The following RAB11FIP4 variants were observed in gnomAD, a reference collection of about 807,000 sequenced individuals.
RAB11FIP4 encodes rab11 family-interacting protein 4.
A neutral mutation model predicts 74.3 loss-of-function variants in RAB11FIP4; 23 were observed. That is an observed-to-expected ratio of 0.31 (90% CI 0.22 to 0.44). The LOEUF (loss-of-function observed/expected upper bound fraction) is 0.44. RAB11FIP4 is among the 20% of genes least tolerant of loss of function. The pLI, the probability that RAB11FIP4 is intolerant of heterozygous loss-of-function variation, is 1.00. For synonymous variants in RAB11FIP4, 360 were observed against 359.9 expected (o/e 1.00, Z 0.00); for missense variants, 630 against 863.9 (o/e 0.73, Z 3.39).
At chr17:31,403,554 C>T (rs2071015543) in intron 1 of RAB11FIP4, among the ~76,000 whole-genome samples, 1 of 152,112 alleles carries the variant, frequency 6.6e-6, no homozygotes. Flanking sequence ...GATCTCCTGA[C>T]CTTGTGATCC....
chr17:31,505,976 C>T (rs1179266144), intron 3 of RAB11FIP4, among the ~76,000 whole-genome samples: 2 of 150,938 alleles, frequency 1.3e-5, no homozygotes, highest in African/African-American at 4.9e-5. Context: ...GCTGGCATTA[C>T]AGGTGTGAGC....
chr17:31,406,436 T>G (rs1326964196), intron 1 of RAB11FIP4, among the ~76,000 whole-genome samples: 1 of 152,206 alleles, frequency 6.6e-6, no homozygotes, highest in Non-Finnish European at 1.5e-5. Context: ...TCTGGTCACC[T>G]TTTCTAAAAA....
intron 13 of RAB11FIP4, among the ~76,000 whole-genome samples, chr17:31,529,308 G>A (rs9904738): frequency 0.037 from 5,557 of 152,198 alleles, 321 homozygotes; most frequent in African/African-American, 0.13. Context: ...GTGTTGCCCA[G>A]GGTGGAGGGC....
Position 31,505,497 on chromosome 17 carries a change from TATTATATTATATATAATA to T in RAB11FIP4, c.337-12146_337-12129del, listed in dbSNP as rs1256639933. ...ATAATTATAATATATAATATATAAT[TATTATATTATATATAATA>T]ATTATATATTATATATAATTATTAT... On this transcript the variant is annotated intron_variant, in intron 3 of 14. Coordinates refer to ENST00000621161, the MANE Select transcript of RAB11FIP4 (RefSeq NM_032932.6). Among the ~76,000 whole-genome samples, 28 of 83,440 alleles carry T rather than the reference TATTATATTATATATAATA, an allele frequency of 3.4e-4. 1 individual carries two copies. Among genetic ancestry groups the T allele is most frequent in the African/African-American group, 1.5e-3 (27 of 18,440 alleles). 54.7% of individuals were successfully genotyped at this position (83,440 alleles called of 152,430 possible).
chr17:31,517,711 T>C lies in RAB11FIP4; in HGVS notation c.397T>C (p.Phe133Leu), dbSNP rs199520897. The C allele has an allele frequency of 1.2e-6, 2 of 1,605,744 alleles. No individual in the cohort carries two copies. Among genetic ancestry groups the C allele is most frequent in the East Asian group, 2.2e-5 (1 of 44,692 alleles). Residue 133 changes from phenylalanine to leucine, a missense_variant, in exon 4 of 15, where the codon TTT (phenylalanine) becomes CTT (leucine). Transcript: ENST00000621161. The part of the protein sequence containing the change: ...DGELIPREPG[F>L]FPEDEEEAMT... ...CGAGCTCATCCCCAGGGAACCCGGC[T>C]TTTTTCCCGAGGACGAGGAGGAGGC...
At chr17:31,413,342 C>G (rs761671127) in intron 1 of RAB11FIP4, among the ~76,000 whole-genome samples, 1 of 152,132 alleles carries the variant, frequency 6.6e-6, no homozygotes, top group Non-Finnish European at 1.5e-5. Flanking sequence ...AAGCCCACAG[C>G]GAGCAGCGCC....
intron 3 of RAB11FIP4, among the ~76,000 whole-genome samples, chr17:31,481,720 G>A (rs1373127372): frequency 2.0e-5 from 3 of 152,130 alleles, no homozygotes; most frequent in African/African-American, 7.2e-5. Context: ...GAGTCAGGGG[G>A]CTTGTTTGTT....
chr17:31,395,756 C>T lies in RAB11FIP4; in HGVS notation c.159+3745C>T, dbSNP rs117264857. Among the ~76,000 whole-genome samples, 22 of 152,260 alleles carry T rather than the reference C, an allele frequency of 1.4e-4. No homozygotes were observed. The East Asian group carries it at 4.2e-3, about 29-fold the overall frequency. ...GGTGTCCTGGATGGGACCCTAGAAT[C>T]AAGAAGAGGACATTAGGTAAAAACT... On this transcript the variant is annotated intron_variant, in intron 1 of 14. Coordinates refer to ENST00000621161, the MANE Select transcript of RAB11FIP4 (RefSeq NM_032932.6).
At chr17:31,514,167 C>T (rs939369630) in intron 3 of RAB11FIP4, among the ~76,000 whole-genome samples, 4 of 152,248 alleles carry the variant, frequency 2.6e-5, no homozygotes, top group African/African-American at 9.6e-5. Flanking sequence ...CCATTTGAGG[C>T]TGCTCTCTCC....
rs535062597 is a variant in RAB11FIP4, at chr17:31,447,865, G to T, written c.336+13743G>T. Among the ~76,000 whole-genome samples, 4 of 151,686 alleles carry T rather than the reference G, an allele frequency of 2.6e-5. No individual in the cohort carries two copies. The East Asian group carries it at 7.8e-4, about 29-fold the overall frequency. On this transcript the variant is annotated intron_variant, in intron 3 of 14. Coordinates refer to ENST00000621161, the MANE Select transcript of RAB11FIP4 (RefSeq NM_032932.6). The stretch of plus-strand genomic sequence containing the variant: ...AGACAGGATCTCACTCTAGCACCCG[G>T]GTTGGAGTGCAGTGGCGCGATCTCA...
rs1319579703 is a variant in RAB11FIP4, at chr17:31,505,532, AATT to A, written c.337-12113_337-12111del. 4.0e-4 allele frequency among the ~76,000 whole-genome samples: 35 copies of A among 87,640 alleles called. No homozygotes were observed. In the South Asian group the frequency reaches 4.0e-3, roughly 10 times the overall value. 57.5% of individuals were successfully genotyped at this position (87,640 alleles called of 152,430 possible). A position where few individuals can be genotyped will look rare whatever the true frequency, so the allele number is the denominator to read the frequency against. On this transcript the variant is annotated intron_variant, in intron 3 of 14. Coordinates refer to ENST00000621161, the MANE Select transcript of RAB11FIP4 (RefSeq NM_032932.6). The stretch of plus-strand genomic sequence containing the variant: ...TATATAATAATTATATATTATATAT[AATT>A]ATTATATATTATATATAATAATAAT...
rs2072879491 is a variant in RAB11FIP4 at position 31,531,955 on chromosome 17, T to C, written c.*223T>C. On this transcript the variant is annotated 3_prime_UTR_variant, in exon 15 of 15. Transcript: ENST00000621161. Reference sequence around the variant, plus strand: ...CCACACGGTTAGCCGTGCATGCACTTTGTGGCCCCTTTGCAAGGGGCAGAG... The same window carrying C: ...CCACACGGTTAGCCGTGCATGCACTCTGTGGCCCCTTTGCAAGGGGCAGAG... The C allele has an allele frequency of 2.0e-6, 1 of 503,212 alleles. No homozygotes were observed. The allele number at this position is 503,212 out of a possible 1,614,324, so 31.2% of individuals were successfully genotyped here.
intron 1 of RAB11FIP4, among the ~76,000 whole-genome samples, chr17:31,430,352 A>AT (rs56078412): frequency 0.046 from 5,159 of 111,678 alleles, 479 homozygotes; most frequent in African/African-American, 0.17. Flanking sequence ...TGGAGTTTGG[A>AT]TTTTTTTTTT....
chr17:31,431,884 G>C lies in RAB11FIP4; in HGVS notation c.231G>C (p.Gly77=). The change falls in exon 2 of 15, where the codon GGG becomes GGC. Residue 77 remains glycine (G), a synonymous_variant. Coordinates refer to ENST00000621161, the MANE Select transcript of RAB11FIP4 (RefSeq NM_032932.6). The stretch of plus-strand genomic sequence containing the variant: ...TCAACTTCAAGGACTTTTGCCGGGG[G>C]GTGTTCGCCATGAAAGGTGAGGTCT... ...GRINFKDFCR[G]VFAMKGCEEL... is the part of the protein sequence containing the mutation. The C allele has an allele frequency of 6.2e-7, 1 of 1,612,854 alleles. No individual in the cohort carries two copies. The highest frequency in any genetic ancestry group is 8.5e-7 in the Non-Finnish European group (1 of 1,179,260).
intron 3 of RAB11FIP4, among the ~76,000 whole-genome samples, chr17:31,451,430 G>A (rs1401186541): frequency 7.4e-6 from 1 of 135,220 alleles, no homozygotes; most frequent in Non-Finnish European, 1.5e-5. Context: ...CTACACTCCA[G>A]CCTGGGCAAC....
intron 3 of RAB11FIP4, among the ~76,000 whole-genome samples, chr17:31,513,526 CT>C (rs1253904547): frequency 6.6e-6 from 1 of 152,168 alleles, no homozygotes; most frequent in Non-Finnish European, 1.5e-5. Flanking sequence ...GGGCTGGGGA[CT>C]TTGGCCCTCA....
intron 9 of RAB11FIP4, 131 bp from the exon 10 acceptor site, chr17:31,524,959 T>C (rs1355093332): frequency 1.9e-6 from 2 of 1,056,592 alleles, no homozygotes; most frequent in Non-Finnish European, 2.8e-6. Context: ...CTCTGAAAGC[T>C]ACTGGCCCAC....
intron 1 of RAB11FIP4, among the ~76,000 whole-genome samples, chr17:31,400,562 G>A (rs1439527238): frequency 6.6e-6 from 1 of 152,212 alleles, no homozygotes; most frequent in Non-Finnish European, 1.5e-5. Flanking sequence ...AGGGGCCGGG[G>A]AGAGGCAGGG....
chr17:31,499,737 A>T (rs2072183223), intron 3 of RAB11FIP4, among the ~76,000 whole-genome samples: 1 of 152,146 alleles, frequency 6.6e-6, no homozygotes, highest in African/African-American at 2.4e-5. Context: ...CAGACTGGCC[A>T]CATGGTAGGC....
Sources: gnomAD v4.1 joint callset for allele counts (sites outside exome capture counted in the v4.1 genomes callset) on GRCh38, gnomAD v4.1.1 for gene constraint, MANE v1.5 for transcripts, NCBI Gene and HGNC (gene_info 2026-07-23, HGNC 2026-07-21) for gene names.